DNM1L: variants seen among roughly 807,000 people sequenced by gnomAD.
DNM1L encodes the protein dynamin 1L.
A neutral mutation model predicts 92.8 loss-of-function variants in DNM1L; 33 were observed. The ratio of observed to expected loss-of-function variants is 0.36; its 90% CI spans 0.27 to 0.48. The LOEUF (loss-of-function observed/expected upper bound fraction) is 0.48, where lower values mean the gene tolerates loss of function less well. DNM1L is among the 20% of genes least tolerant of loss of function. The pLI, the probability that DNM1L is intolerant of heterozygous loss-of-function variation, is 0.99. For synonymous variants in DNM1L, 284 were observed against 305.0 expected (o/e 0.93, Z 0.72); for missense variants, 485 against 888.8 (o/e 0.55, Z 5.78).
intron 1 of DNM1L, among the ~76,000 whole-genome samples, chr12:32,695,344 C>T (rs1952396230): frequency 6.6e-6 from 1 of 152,018 alleles, no homozygotes; most frequent in Non-Finnish European, 1.5e-5. Flanking sequence ...GAAAGACATA[C>T]TTAGAAAACA....
intron 2 of DNM1L, 156 bp from the exon 3 acceptor site, chr12:32,707,211 A>C: frequency 1.9e-6 from 1 of 536,040 alleles, no homozygotes; most frequent in African/African-American, 2.0e-5. Flanking sequence ...TTTTAGAAAA[A>C]TATAATTTAG....
At position 32,679,324 on chromosome 12, in the gene DNM1L, C is replaced by A; in HGVS notation, c.-40C>A. ...CTGTGGGCCCCGGCCCCATTCATTGCCGTGGCCGGCGGGCACTGGGGCCCC... is the reference window on the plus strand; with the variant it reads ...CTGTGGGCCCCGGCCCCATTCATTGACGTGGCCGGCGGGCACTGGGGCCCC... On this transcript the variant is annotated 5_prime_UTR_variant, in exon 1 of 20. Transcript: ENST00000549701. The A allele has an allele frequency of 1.4e-6, 2 of 1,410,216 alleles. No individual in the cohort carries two copies. The highest frequency in any genetic ancestry group is 2.0e-6 in the Non-Finnish European group (2 of 999,392). 87.4% of individuals were successfully genotyped at this position (1,410,216 alleles called of 1,614,324 possible). A position where few individuals can be genotyped will look rare whatever the true frequency, so the allele number is the denominator to read the frequency against.
chr12:32,685,232 C>T (rs987570194), intron 1 of DNM1L, among the ~76,000 whole-genome samples: 2 of 151,960 alleles, frequency 1.3e-5, no homozygotes, highest in Non-Finnish European at 2.9e-5. Context: ...CCACCGCGCC[C>T]GGTCAGTGAA....
intron 1 of DNM1L, among the ~76,000 whole-genome samples, chr12:32,699,388 A>C (rs1443830200): frequency 1.3e-5 from 2 of 152,232 alleles, no homozygotes; most frequent in Non-Finnish European, 2.9e-5. Context: ...TAAACTAATA[A>C]GAAATATATA....
chr12:32,724,612 ATATATAT>A (rs1278537589), intron 9 of DNM1L, among the ~76,000 whole-genome samples: 174 of 142,270 alleles, frequency 1.2e-3, no homozygotes, highest in Middle Eastern at 7.4e-3. Flanking sequence ...ATATATATAT[ATATATAT>A]AAATTATATT....
rs59243079 is a variant in DNM1L, at chr12:32,725,910, G to GT, written c.1079+3293dup. ...GTGAGCCACCGCGACTGGCATGCCG[G>GT]TTTTTTTTTTTTTTTTAAACGATGG... On this transcript the variant is annotated intron_variant, in intron 9 of 19. Transcript: ENST00000549701. Among the ~76,000 whole-genome samples, 1,397 of 141,626 alleles carry GT rather than the reference G, an allele frequency of 9.9e-3. 11 individuals are homozygous for GT. Among genetic ancestry groups the GT allele is most frequent in the South Asian group, 0.021 (93 of 4,396 alleles). The allele number at this position is 141,626 out of a possible 152,430, so 92.9% of individuals were successfully genotyped here. A position where few individuals can be genotyped will look rare whatever the true frequency, so the allele number is the denominator to read the frequency against.
intron 9 of DNM1L, chr12:32,726,487 C>G: frequency 9.5e-7 from 1 of 1,055,484 alleles, no homozygotes; most frequent in Non-Finnish European, 1.5e-6. Context: ...TCACCTTCTT[C>G]ATCATACTCA....
chr12:32,687,790 G>A (rs566946413), intron 1 of DNM1L, among the ~76,000 whole-genome samples: 6 of 151,978 alleles, frequency 3.9e-5, no homozygotes, highest in Admixed American at 1.3e-4. Context: ...TGGATTCTCA[G>A]TTCTATTCTG....
chr12:32,679,539 C>G, intron 1 of DNM1L, 74 bp downstream of exon 1: 1 of 1,464,158 alleles, frequency 6.8e-7, no homozygotes, highest in Non-Finnish European at 9.3e-7. Flanking sequence ...GCAGTGCCCA[C>G]TCCCGCGCCA....
rs887242901 is a variant in DNM1L at position 32,731,181 on chromosome 12, G to C, written c.1200+47G>C. 5.7e-5 allele frequency: 92 copies of C among 1,612,534 alleles called. No individual in the cohort carries two copies. The highest frequency in any genetic ancestry group is 7.8e-5 in the Non-Finnish European group (92 of 1,179,240). On this transcript the variant is annotated intron_variant, in intron 10 of 19. Transcript: ENST00000549701. This position sits in a 1 kb window ranked among gnomAD's most constrained non-coding sequence, Gnocchi z 5.1. ...GACTGTAAAAAAAAATGAGGTTAAAGTTTTTCTTACCCATATACTGTGTCT... is the reference window on the plus strand; with the variant it reads ...GACTGTAAAAAAAAATGAGGTTAAACTTTTTCTTACCCATATACTGTGTCT...
chr12:32,682,360 G>A (rs578217396), intron 1 of DNM1L, among the ~76,000 whole-genome samples: 2 of 152,084 alleles, frequency 1.3e-5, no homozygotes, highest in East Asian at 1.9e-4. Context: ...TCCAACTCCC[G>A]ACCTCAGGTG....
intron 9 of DNM1L, chr12:32,728,141 A>G (rs534953907): frequency 1.3e-5 from 2 of 152,318 alleles, no homozygotes; most frequent in Admixed American, 6.5e-5. Flanking sequence ...GACATCTTGC[A>G]TAACTATAGT....
Position 32,740,223 on chromosome 12 carries a change from G to T in DNM1L, c.1867G>T (p.Val623Leu), listed in dbSNP as rs757191582. ...AGCCAGTCCACAAAAAGGTCATGCC[G>T]TGAACCTGCTAGATGTGGTAAGCCA... ...MPASPQKGHA[V>L]NLLDVPVPVA... The change falls in exon 17 of 20, where the codon GTG (valine) becomes TTG (leucine). Residue 623 changes from valine to leucine, a missense_variant. Physicochemically the swap from Val to Leu is conservative, Grantham distance 32. Transcript: ENST00000549701. 6.2e-7 allele frequency: 1 copy of T among 1,614,156 alleles called. No homozygotes were observed. The highest frequency in any genetic ancestry group is 8.5e-7 in the Non-Finnish European group (1 of 1,180,032).
intron 5 of DNM1L, among the ~76,000 whole-genome samples, chr12:32,711,525 C>G (rs11052198): frequency 1.3e-5 from 2 of 151,938 alleles, no homozygotes; most frequent in African/African-American, 2.4e-5. Flanking sequence ...AGTCTTCCCC[C>G]ATCGCAATAA....
Position 32,731,206 on chromosome 12 carries a change from T to C in DNM1L, c.1200+72T>C. On this transcript the variant is annotated intron_variant, in intron 10 of 19. Coordinates refer to ENST00000549701, the MANE Select transcript of DNM1L (RefSeq NM_012062.5). The surrounding 1 kb of genome is among the most constrained non-coding windows in gnomAD (Gnocchi z 5.1). ...GTTTTTCTTACCCATATACTGTGTCTTTTTAAATTTAATTATACAGTTTAT... is the reference window on the plus strand; with the variant it reads ...GTTTTTCTTACCCATATACTGTGTCCTTTTAAATTTAATTATACAGTTTAT... The C allele has an allele frequency of 1.2e-6, 2 of 1,602,086 alleles. No individual in the cohort carries two copies. Among genetic ancestry groups the C allele is most frequent in the Admixed American group, 3.4e-5 (2 of 59,004 alleles).
At chr12:32,681,091 G>T (rs1245944693) in intron 1 of DNM1L, among the ~76,000 whole-genome samples, 5 of 152,138 alleles carry the variant, frequency 3.3e-5, no homozygotes. Context: ...ATACAGAGTG[G>T]CAGGAGAGAA....
At chr12:32,694,487 G>A (rs1398813190) in intron 1 of DNM1L, among the ~76,000 whole-genome samples, 1 of 152,180 alleles carries the variant, frequency 6.6e-6, no homozygotes, top group Non-Finnish European at 1.5e-5. Flanking sequence ...ATCCATGTTG[G>A]AGCGTGCATC....
chr12:32,714,270 A>ATT (rs764641583), intron 6 of DNM1L, among the ~76,000 whole-genome samples: 29 of 134,608 alleles, frequency 2.2e-4, no homozygotes, highest in Middle Eastern at 3.8e-3. Context: ...CACTTTAACA[A>ATT]TTTTTTTTTT....
rs1227440885 is a variant in DNM1L at position 32,744,790 on chromosome 12, G to C, written c.*1380G>C. 6 of 450,734 alleles carry C rather than the reference G, an allele frequency of 1.3e-5. No homozygotes were observed. Among genetic ancestry groups the C allele is most frequent in the East Asian group, 6.7e-5 (1 of 15,020 alleles). 27.9% of individuals were successfully genotyped at this position (450,734 alleles called of 1,614,324 possible). ...TTACAGACCTAAGCTGCATTTATGG[G>C]GTAGTGATGAGGTTTAGAACATATA... On this transcript the variant is annotated 3_prime_UTR_variant, in exon 20 of 20. Transcript: ENST00000549701.
Sources: allele counts gnomAD v4.1 joint callset (sites outside exome capture counted in the v4.1 genomes callset), GRCh38; gene constraint gnomAD v4.1.1; non-coding constraint Gnocchi (gnomAD v3.1); transcripts MANE v1.5; gene names NCBI Gene and HGNC (gene_info 2026-07-23, HGNC 2026-07-21).